The following CHRM3 variants were observed in gnomAD, a reference collection of about 807,000 sequenced individuals.
The protein encoded by CHRM3 is muscarinic acetylcholine receptor M3.
Under a neutral mutation model 41.8 loss-of-function variants are expected in CHRM3, and 11 were observed. The ratio of observed to expected loss-of-function variants is 0.26; its 90% CI spans 0.17 to 0.44. The LOEUF (loss-of-function observed/expected upper bound fraction) is 0.44, where lower values mean the gene tolerates loss of function less well. Ranked by LOEUF, CHRM3 falls within the 20% of genes least tolerant of loss-of-function variation. The probability of loss-of-function intolerance (pLI) is 1.00; values close to 1 mark genes in which losing one functional copy is unlikely to be tolerated. For synonymous variants in CHRM3, 297 were observed against 301.4 expected (o/e 0.99, Z 0.15); for missense variants, 571 against 745.4 (o/e 0.77, Z 2.72).
chr1:239,641,283 G>T (rs573253093), intron 4 of CHRM3, among the ~76,000 whole-genome samples: 4 of 150,692 alleles, frequency 2.7e-5, no homozygotes, highest in South Asian at 4.3e-4. Flanking sequence ...TATTAGGTCC[G>T]CTTGGTGCAG....
rs192017690 is a variant in CHRM3 at position 239,623,092 on chromosome 1, T to C, written c.-312-9132T>C. On this transcript the variant is annotated intron_variant, in intron 3 of 6. Coordinates refer to ENST00000676153, the MANE Select transcript of CHRM3 (RefSeq NM_001375978.1). The stretch of plus-strand genomic sequence containing the variant: ...TATAACTCTATAAAGGCTCAGATGA[T>C]TGTTAGTATTTTCTAGCAATAAAGG... Among the ~76,000 whole-genome samples the C allele has an allele frequency of 1.2e-4, 18 of 152,188 alleles. No homozygotes were observed. In the East Asian group the frequency reaches 3.3e-3, roughly 28 times the overall value.
intron 3 of CHRM3, among the ~76,000 whole-genome samples, chr1:239,569,282 A>G (rs1189462408): frequency 6.6e-6 from 1 of 152,168 alleles, no homozygotes; most frequent in Non-Finnish European, 1.5e-5. Flanking sequence ...GGTGTTTAGT[A>G]TGTACAATGA....
intron 2 of CHRM3, among the ~76,000 whole-genome samples, chr1:239,520,998 A>G (rs576946361): frequency 6.6e-6 from 1 of 152,314 alleles, no homozygotes; most frequent in African/African-American, 2.4e-5. Context: ...CCCAATATGA[A>G]CTTGAAGGAA....
chr1:239,822,378 AC>A (rs1672124513), intron 5 of CHRM3, among the ~76,000 whole-genome samples: 1 of 152,200 alleles, frequency 6.6e-6, no homozygotes, highest in Non-Finnish European at 1.5e-5. Flanking sequence ...TAAACCGAGT[AC>A]TACAAATTGC....
intron 3 of CHRM3, among the ~76,000 whole-genome samples, chr1:239,564,367 G>C (rs1446622728): frequency 6.6e-6 from 1 of 152,068 alleles, no homozygotes; most frequent in Non-Finnish European, 1.5e-5. Flanking sequence ...GAAAAAGTAA[G>C]CATGCTTAAA....
chr1:239,532,820 C>T (rs1175756952), intron 2 of CHRM3, among the ~76,000 whole-genome samples: 1 of 152,060 alleles, frequency 6.6e-6, no homozygotes, highest in Admixed American at 6.6e-5. Flanking sequence ...GCATAATCAC[C>T]TCTAAGGAAA....
chr1:239,811,767 T>C (rs567306164), intron 5 of CHRM3, among the ~76,000 whole-genome samples: 1 of 152,300 alleles, frequency 6.6e-6, no homozygotes, highest in East Asian at 1.9e-4. Context: ...TGTTAAAAGT[T>C]TCTCTAGGGG....
intron 5 of CHRM3, among the ~76,000 whole-genome samples, chr1:239,787,221 A>G (rs1286509511): frequency 6.6e-6 from 1 of 152,256 alleles, no homozygotes; most frequent in Non-Finnish European, 1.5e-5. Context: ...TGCCAGAGTC[A>G]TCTCATCATG....
chr1:239,697,281 T>C (rs541452075), intron 5 of CHRM3, among the ~76,000 whole-genome samples: 2 of 152,084 alleles, frequency 1.3e-5, no homozygotes, highest in Admixed American at 6.6e-5. Flanking sequence ...GATCTGATGG[T>C]TTTATAAAGG....
At chr1:239,809,021 T>TA (rs1670893617) in intron 5 of CHRM3, among the ~76,000 whole-genome samples, 1 of 95,380 alleles carries the variant, frequency 1.0e-5, no homozygotes, top group Admixed American at 1.0e-4. Flanking sequence ...TGAAGTCCAT[T>TA]TTTTTTTTTT....
chr1:239,484,943 T>C (rs546682977), intron 1 of CHRM3, among the ~76,000 whole-genome samples: 1 of 152,186 alleles, frequency 6.6e-6, no homozygotes, highest in South Asian at 2.1e-4. Flanking sequence ...ATAAGTAAAC[T>C]CCAGTTCATA....
At chr1:239,576,281 C>T (rs533069344) in intron 3 of CHRM3, among the ~76,000 whole-genome samples, 1 of 152,110 alleles carries the variant, frequency 6.6e-6, no homozygotes, top group African/African-American at 2.4e-5. Context: ...CCACCCCCAT[C>T]CCCAGGGATC....
chr1:239,396,651 T>C (rs542505844), intron 1 of CHRM3, among the ~76,000 whole-genome samples: 1 of 152,122 alleles, frequency 6.6e-6, no homozygotes, highest in Non-Finnish European at 1.5e-5. Context: ...GTTTGTCTCC[T>C]TATAAAAGTA....
At chr1:239,767,254 G>T (rs1032877497) in intron 5 of CHRM3, among the ~76,000 whole-genome samples, 14 of 151,990 alleles carry the variant, frequency 9.2e-5, no homozygotes, top group Non-Finnish European at 1.5e-4. Context: ...AAGTTAAATT[G>T]TTAATTAAAT....
chr1:239,601,509 G>A (rs996877279), intron 3 of CHRM3, among the ~76,000 whole-genome samples: 1 of 151,880 alleles, frequency 6.6e-6, no homozygotes, highest in Non-Finnish European at 1.5e-5. Context: ...TAGAGAAAAT[G>A]TGGGCCTATT....
chr1:239,771,716 A>AT (rs1667690704), intron 5 of CHRM3, among the ~76,000 whole-genome samples: 1 of 152,228 alleles, frequency 6.6e-6, no homozygotes, highest in African/African-American at 2.4e-5. Context: ...CTTTGCCCTT[A>AT]TATCAAGAAA....
At chr1:239,823,230 A>G (rs1360878807) in intron 5 of CHRM3, among the ~76,000 whole-genome samples, 1 of 152,230 alleles carries the variant, frequency 6.6e-6, no homozygotes, top group East Asian at 1.9e-4. Flanking sequence ...CAAATAAGGT[A>G]ATATCCCTCA....
intron 5 of CHRM3, among the ~76,000 whole-genome samples, chr1:239,756,906 A>T (rs923375351): frequency 6.6e-6 from 1 of 152,106 alleles, no homozygotes; most frequent in African/African-American, 2.4e-5. Flanking sequence ...GTTTTTATTT[A>T]ATTTATCAGG....
chr1:239,851,756 A>G (rs1010388823), intron 6 of CHRM3, among the ~76,000 whole-genome samples: 1 of 152,112 alleles, frequency 6.6e-6, no homozygotes, highest in African/African-American at 2.4e-5. Flanking sequence ...CTGCTTGCCT[A>G]TTTGACTATT....
Sources: allele counts gnomAD v4.1 joint callset (sites outside exome capture counted in the v4.1 genomes callset), GRCh38; gene constraint gnomAD v4.1.1; transcripts MANE v1.5; gene names NCBI Gene and HGNC (gene_info 2026-07-23, HGNC 2026-07-21).